COX16: variants seen among roughly 807,000 people sequenced by gnomAD.
COX16 encodes cytochrome c oxidase assembly factor COX16.
Under a neutral mutation model 15.4 loss-of-function variants are expected in COX16, and 12 were observed. The ratio of observed to expected loss-of-function variants is 0.78; its 90% CI spans 0.50 to 1.26. COX16 has a LOEUF of 1.26. COX16 is among the 50% of genes most tolerant of loss of function. COX16 has a pLI of 0.00. For missense variants in COX16, 124 were observed against 127.6 expected, an observed-to-expected ratio of 0.97 and a Z score of 0.14; for synonymous variants, 46 against 41.1, an observed-to-expected ratio of 1.12 and a Z score of -0.46.
At chr14:70,329,107 T>C in intron 3 of COX16, 67 bp downstream of exon 3, 1 of 1,480,300 alleles carries the variant, frequency 6.8e-7, no homozygotes, top group South Asian at 1.4e-5. Context: ...GTACTACTAA[T>C]ACTTTTAAGG....
At chr14:70,353,397 TATATATATACATACAC>T (rs1355498680) in intron 1 of COX16, among the ~76,000 whole-genome samples, 2 of 148,816 alleles carry the variant, frequency 1.3e-5, no homozygotes, top group Non-Finnish European at 3.0e-5. Flanking sequence ...TATAATTTTA[TATATATATACATACAC>T]ATATATATAC....
intron 2 of COX16, among the ~76,000 whole-genome samples, chr14:70,340,412 A>G (rs1004447503): frequency 1.3e-5 from 2 of 152,208 alleles, no homozygotes; most frequent in Non-Finnish European, 2.9e-5. Flanking sequence ...ACAGACTAAT[A>G]CACTGGGTTA....
At chr14:70,356,218 G>C (rs577074745) in intron 1 of COX16, among the ~76,000 whole-genome samples, 1 of 115,804 alleles carries the variant, frequency 8.6e-6, no homozygotes, top group African/African-American at 3.3e-5. Context: ...GGGGGTGGGG[G>C]GTGGGATGGC....
At chr14:70,349,974 G>A (rs1380438352) in intron 1 of COX16, among the ~76,000 whole-genome samples, 1 of 152,138 alleles carries the variant, frequency 6.6e-6, no homozygotes, top group Non-Finnish European at 1.5e-5. Flanking sequence ...CGTCTCTCAA[G>A]AATACCCAAA....
intron 2 of COX16, 114 bp downstream of exon 2, chr14:70,342,542 CTT>C (rs1886654315): frequency 2.2e-6 from 2 of 909,806 alleles, no homozygotes; most frequent in South Asian, 2.5e-5. Context: ...AAGATCACAT[CTT>C]AGTGTTGAAA....
intron 1 of COX16, among the ~76,000 whole-genome samples, chr14:70,345,002 G>A (rs1376580748): frequency 6.6e-6 from 1 of 151,016 alleles, no homozygotes; most frequent in South Asian, 2.1e-4. Context: ...GTCTGTTGGT[G>A]CGCTCTCAGG....
At position 70,329,072 on chromosome 14, in the gene COX16, T is replaced by C. The variant is rs1886190745; in HGVS notation, c.204+102A>G. On this transcript the variant is annotated intron_variant, in intron 3 of 3. Transcript: ENST00000389912. ...AATGATTATAGTTTATCAAATACCA[T>C]ATATATTCAACGTAATTTTTTTCTG... is the stretch of plus-strand genomic sequence containing the variant. 8 of 1,049,318 alleles carry C rather than the reference T, an allele frequency of 7.6e-6. No individual in the cohort carries two copies. In the East Asian group the frequency reaches 1.9e-4, roughly 25 times the overall value. 65.0% of individuals were successfully genotyped at this position (1,049,318 alleles called of 1,614,324 possible). A position where few individuals can be genotyped will look rare whatever the true frequency, so the allele number is the denominator to read the frequency against.
intron 2 of COX16, among the ~76,000 whole-genome samples, chr14:70,333,099 A>G (rs1471504036): frequency 3.9e-5 from 6 of 152,354 alleles, no homozygotes; most frequent in Admixed American, 1.3e-4. Context: ...CCCTCTGAAG[A>G]AGGACAGGCA....
intron 2 of COX16, among the ~76,000 whole-genome samples, chr14:70,331,432 C>G (rs1018037249): frequency 3.3e-5 from 5 of 151,960 alleles, no homozygotes; most frequent in Non-Finnish European, 5.9e-5. Flanking sequence ...ACCCAATAAT[C>G]CAGTAGAAAA....
chr14:70,338,059 A>G (rs768308049), intron 2 of COX16, among the ~76,000 whole-genome samples: 15 of 152,200 alleles, frequency 9.9e-5, no homozygotes, highest in Non-Finnish European at 1.5e-5. Context: ...TTGGTTTTAC[A>G]TTTTCTGTGG....
intron 1 of COX16, among the ~76,000 whole-genome samples, chr14:70,355,205 T>C (rs1457010266): frequency 5.3e-5 from 8 of 152,158 alleles, no homozygotes; most frequent in Non-Finnish European, 8.8e-5. Context: ...ATCAATGACA[T>C]CCACATTACT....
At chr14:70,353,352 G>C (rs1049558988) in intron 1 of COX16, among the ~76,000 whole-genome samples, 22 of 148,696 alleles carry the variant, frequency 1.5e-4, no homozygotes, top group Non-Finnish European at 3.1e-4. Flanking sequence ...AAAAAATAAA[G>C]TTTGATCCCT....
intron 2 of COX16, among the ~76,000 whole-genome samples, chr14:70,335,880 T>C (rs1054007181): frequency 6.6e-6 from 1 of 152,152 alleles, no homozygotes; most frequent in African/African-American, 2.4e-5. Context: ...ATTCCACTGA[T>C]ATAAAATTCA....
chr14:70,334,515 T>G (rs1886388076), intron 2 of COX16, among the ~76,000 whole-genome samples: 1 of 152,186 alleles, frequency 6.6e-6, no homozygotes, highest in Non-Finnish European at 1.5e-5. Flanking sequence ...AGACTCCATC[T>G]CAAAAATAAA....
At position 70,344,466 on chromosome 14, in the gene COX16, A is replaced by G. The variant is rs568284333; in HGVS notation, c.70-1737T>C. 2.6e-5 allele frequency among the ~76,000 whole-genome samples: 4 copies of G among 152,340 alleles called. No homozygotes were observed. The South Asian group carries it at 6.2e-4, about 24-fold the overall frequency. ...GTTAGGTCTGATTTCTTTCATTGTC[A>G]TAATTTCCTCAGTTATAATTTTGCA... On this transcript the variant is annotated intron_variant, in intron 1 of 3. Transcript: ENST00000389912.
chr14:70,345,506 A>C (rs1486699475), intron 1 of COX16, among the ~76,000 whole-genome samples: 1 of 152,134 alleles, frequency 6.6e-6, no homozygotes, highest in Non-Finnish European at 1.5e-5. Flanking sequence ...GCTGCTTCAT[A>C]AAAAACCTGC....
At chr14:70,355,769 C>T (rs1887105332) in intron 1 of COX16, among the ~76,000 whole-genome samples, 1 of 152,158 alleles carries the variant, frequency 6.6e-6, no homozygotes, top group Non-Finnish European at 1.5e-5. Context: ...CCCTCCAAAC[C>T]TCCTGTTGAA....
At chr14:70,347,168 A>G (rs1386902899) in intron 1 of COX16, among the ~76,000 whole-genome samples, 3 of 151,850 alleles carry the variant, frequency 2.0e-5, no homozygotes, top group African/African-American at 7.3e-5. Context: ...AAAGCCTATC[A>G]TTTCTCGCCG....
intron 2 of COX16, among the ~76,000 whole-genome samples, chr14:70,334,002 T>G (rs1024886346): frequency 4.6e-5 from 7 of 152,116 alleles, no homozygotes; most frequent in Non-Finnish European, 8.8e-5. Context: ...AAGTTATCCT[T>G]CAGAAATGGA....
Sources: gnomAD v4.1 joint callset for allele counts (sites outside exome capture counted in the v4.1 genomes callset) on GRCh38, gnomAD v4.1.1 for gene constraint, MANE v1.5 for transcripts, NCBI Gene and HGNC (gene_info 2026-07-23, HGNC 2026-07-21) for gene names.